Variants in RAD17 observed in about 807,000 individuals in gnomAD.
The protein encoded by RAD17 is cell cycle checkpoint protein RAD17.
RAD17 carries 31 observed loss-of-function variants against 81.5 expected under a neutral mutation model. The observed-to-expected ratio is 0.38, with a 90% CI of 0.29 to 0.51. RAD17 has a LOEUF of 0.51. Ranked by LOEUF, RAD17 falls within the 20% of genes least tolerant of loss-of-function variation. The pLI, the probability that RAD17 is intolerant of heterozygous loss-of-function variation, is 0.88. For missense variants in RAD17, 681 were observed against 781.2 expected (o/e 0.87, Z 1.53); for synonymous variants, 261 against 266.2 (o/e 0.98, Z 0.19).
At chr5:69,400,555 T>C (rs1286178086) in intron 17 of RAD17, among the ~76,000 whole-genome samples, 2 of 152,020 alleles carry the variant, frequency 1.3e-5, no homozygotes, top group Admixed American at 1.3e-4. Context: ...TGTGGGCCAA[T>C]TTATTGCTAT....
Position 69,386,228 on chromosome 5 carries a change from C to G in RAD17, c.747C>G (p.Asp249Glu). Residue 249 changes from aspartate to glutamate, a missense_variant, in exon 10 of 19, where the codon GAC (aspartate) becomes GAG (glutamate). By Grantham distance (45) the Asp-to-Glu change is conservative. Coordinates refer to ENST00000354868, the MANE Select transcript of RAD17 (RefSeq NM_133338.3). ...GTCCTCTTATATTTATAATCTCGGA[C>G]AGTCTCAGTGGAGATAATAATCAAA... is the stretch of plus-strand genomic sequence containing the variant. ...GRCPLIFIIS[D>E]SLSGDNNQRL... 6.2e-7 allele frequency: 1 copy of G among 1,608,286 alleles called. No homozygotes were observed. Among genetic ancestry groups the G allele is most frequent in the African/African-American group, 1.3e-5 (1 of 74,916 alleles).
At chr5:69,386,338 A>G (rs771098766) in intron 10 of RAD17, 33 bp downstream of exon 10, 8 of 1,585,310 alleles carry the variant, frequency 5.0e-6, no homozygotes, top group Admixed American at 3.7e-5. Flanking sequence ...TAAAGGTCAC[A>G]TACATATTAT....
chr5:69,372,094 A>G lies in RAD17; in HGVS notation c.-115A>G. 1 of 1,438,302 alleles carries G rather than the reference A, an allele frequency of 7.0e-7. No homozygotes were observed. The allele number at this position is 1,438,302 out of a possible 1,614,324, so 89.1% of individuals were successfully genotyped here. ...TATAAAATGTATAAATAATTTGCAAATCAGAATTGCTGTCGAAAGTTTTAC... is the reference window on the plus strand; with the variant it reads ...TATAAAATGTATAAATAATTTGCAAGTCAGAATTGCTGTCGAAAGTTTTAC... On this transcript the variant is annotated 5_prime_UTR_variant, in exon 4 of 19. Transcript: ENST00000354868.
intron 5 of RAD17, among the ~76,000 whole-genome samples, chr5:69,374,355 T>G (rs1035801396): frequency 2.0e-5 from 3 of 152,198 alleles, no homozygotes; most frequent in Non-Finnish European, 2.9e-5. Context: ...GTAATACTCC[T>G]CTCTACTGTC....
upstream of RAD17, chr5:69,369,543 A>C: frequency 2.5e-6 from 4 of 1,610,350 alleles, no homozygotes; most frequent in Non-Finnish European, 3.4e-6. Context: ...TTTGCTCTAC[A>C]GGGAGGAGCC....
chr5:69,396,266 A>T, intron 15 of RAD17, 131 bp from the exon 16 acceptor site: 1 of 875,812 alleles, frequency 1.1e-6, no homozygotes, highest in Non-Finnish European at 1.6e-6. Context: ...TGTTATTTAT[A>T]GGGCTGTAGT....
rs774962944 is a variant in RAD17 at position 69,386,067 on chromosome 5, G to A, written c.670G>A (p.Asp224Asn). The A allele has an allele frequency of 2.2e-5, 35 of 1,595,210 alleles. No homozygotes were observed. The African/African-American group carries it at 4.6e-4, about 21-fold the overall frequency. ...GGATTTACCTAACCAGTTTTATCGG[G>A]ATTCTCATACTTTACATGAAGTTCT... ...VEDLPNQFYR[D>N]SHTLHEVLRK... The change falls in exon 9 of 19, where the codon GAT becomes AAT. Residue 224 changes from aspartate (D) to asparagine (N), a missense_variant. Transcript: ENST00000354868.
At chr5:69,383,770 C>T (rs759373378) in intron 7 of RAD17, among the ~76,000 whole-genome samples, 2 of 152,128 alleles carry the variant, frequency 1.3e-5, no homozygotes, top group Non-Finnish European at 2.9e-5. Context: ...CACGACCCAA[C>T]CTCTGGGGTA....
At chr5:69,412,167 A>G (rs1237554849) in intron 18 of RAD17, among the ~76,000 whole-genome samples, 4 of 152,124 alleles carry the variant, frequency 2.6e-5, no homozygotes, top group African/African-American at 9.6e-5. Context: ...TGTGTTAGCC[A>G]GGATGGTCTT....
upstream of RAD17, chr5:69,369,329 T>A: frequency 1.2e-6 from 1 of 826,384 alleles, no homozygotes; most frequent in Non-Finnish European, 1.6e-6. Context: ...CCCGGGGCGC[T>A]GACAACCGCC....
chr5:69,405,246 G>A (rs921228494), intron 17 of RAD17, among the ~76,000 whole-genome samples: 2 of 152,108 alleles, frequency 1.3e-5, no homozygotes, highest in Non-Finnish European at 2.9e-5. Flanking sequence ...GCTCACGCCT[G>A]TAATCCCAGC....
Position 69,370,040 on chromosome 5 carries a change from C to T in RAD17, c.-417+107C>T, listed in dbSNP as rs904907785. ...TCTCGTCGCTCCTCCTCCCGACCCG[C>T]CCATCCCATCTGGGGATGAGAAGAT... On this transcript the variant is annotated intron_variant, in intron 1 of 18. Coordinates refer to ENST00000354868, the MANE Select transcript of RAD17 (RefSeq NM_133338.3). The T allele has an allele frequency of 5.7e-5, 20 of 349,216 alleles. No individual in the cohort carries two copies. The East Asian group carries it at 1.3e-3, about 22-fold the overall frequency. The allele number at this position is 349,216 out of a possible 1,614,324, so 21.6% of individuals were successfully genotyped here.
chr5:69,369,534 T>C, upstream of RAD17: 2 of 1,611,270 alleles, frequency 1.2e-6, no homozygotes. Flanking sequence ...CACGTGCCCT[T>C]TGCTCTACAG....
Position 69,372,159 on chromosome 5 carries a change from G to A in RAD17, c.-50G>A. 6.3e-7 allele frequency: 1 copy of A among 1,590,964 alleles called. No homozygotes were observed. Among genetic ancestry groups the A allele is most frequent in the Non-Finnish European group, 8.6e-7 (1 of 1,165,648 alleles). On this transcript the variant is annotated 5_prime_UTR_variant, in exon 4 of 19. Transcript: ENST00000354868. ...TTTTCATACTCTCAAAAATATAGAG[G>A]AAAGGGGCCAAGATTATAGTACCAG...
In RAD17 at chr5:69,396,499, A is replaced by G. The variant is rs368089330; in HGVS notation, c.1525A>G (p.Ser509Gly). 9.3e-6 allele frequency: 15 copies of G among 1,612,906 alleles called. No homozygotes were observed. The African/African-American group carries it at 1.6e-4, about 17-fold the overall frequency. The change falls in exon 16 of 19, where the codon AGT becomes GGT. Residue 509 changes from serine to glycine, a missense_variant. Physicochemically the swap from Ser to Gly is moderately conservative, Grantham distance 56. Coordinates refer to ENST00000354868, the MANE Select transcript of RAD17 (RefSeq NM_133338.3). Reference protein sequence around the residue: ...GYAHCQGGGSSFRPLHKPQWF... With the variant: ...GYAHCQGGGSGFRPLHKPQWF... ...TGCTCATTGCCAAGGAGGAGGATCA[A>G]GTTTTCGACCCTTGCACAAACCTCA...
chr5:69,398,638 G>A (rs952870140), intron 16 of RAD17, among the ~76,000 whole-genome samples: 10 of 151,186 alleles, frequency 6.6e-5, no homozygotes, highest in South Asian at 2.1e-4. Context: ...AAACCCCATC[G>A]CTACTAAAAA....
At chr5:69,377,268 T>C (rs540524347) in intron 6 of RAD17, among the ~76,000 whole-genome samples, 20 of 151,802 alleles carry the variant, frequency 1.3e-4, no homozygotes, top group African/African-American at 4.6e-4. Flanking sequence ...CTCATTGATT[T>C]GTTTTTGGTC....
At chr5:69,373,339 C>G (rs1763122442) in intron 4 of RAD17, among the ~76,000 whole-genome samples, 1 of 152,074 alleles carries the variant, frequency 6.6e-6, no homozygotes, top group Non-Finnish European at 1.5e-5. Context: ...CAAGTATGCA[C>G]TTGCACTTAC....
Position 69,382,064 on chromosome 5 carries a change from T to C in RAD17, c.508+7T>C. On this transcript the variant is annotated splice_region_variant and intron_variant, in intron 7 of 18. Coordinates refer to ENST00000354868, the MANE Select transcript of RAD17 (RefSeq NM_133338.3). The stretch of plus-strand genomic sequence containing the variant: ...AAGGGGATGTTTAATACTGGTAAGA[T>C]TTGCTGTGAAGGTAGTAGAAGTAGT... 1 of 1,610,646 alleles carries C rather than the reference T, an allele frequency of 6.2e-7. No individual in the cohort carries two copies. The highest frequency in any genetic ancestry group is 8.5e-7 in the Non-Finnish European group (1 of 1,177,902).
Sources: gnomAD v4.1 joint callset for allele counts (sites outside exome capture counted in the v4.1 genomes callset) on GRCh38, gnomAD v4.1.1 for gene constraint, MANE v1.5 for transcripts, NCBI Gene and HGNC (gene_info 2026-07-23, HGNC 2026-07-21) for gene names.